The following CAPN15 variants were observed in gnomAD, a reference collection of about 807,000 sequenced individuals.
CAPN15 encodes calpain 15, also known as calpain-15.
Under a neutral mutation model 97.9 loss-of-function variants are expected in CAPN15, and 53 were observed. The ratio of observed to expected loss-of-function variants is 0.54; its 90% confidence interval spans 0.43 to 0.68. The LOEUF (loss-of-function observed/expected upper bound fraction) is 0.68, where lower values mean the gene tolerates loss of function less well. Among genes scored for constraint, CAPN15 ranks in the 30% least tolerant of loss-of-function variants. The pLI, the probability that CAPN15 is intolerant of heterozygous loss-of-function variation, is 0.00. For synonymous variants in CAPN15, 922 were observed against 722.5 expected (o/e 1.28, Z -4.43); for missense variants, 1,592 against 1,589.8 (o/e 1.00, Z -0.02).
intron 1 of CAPN15, among the ~76,000 whole-genome samples, chr16:532,732 A>ACCT (rs2033359997): frequency 6.6e-6 from 1 of 151,896 alleles, no homozygotes. Flanking sequence ...AGGCGCCTGT[A>ACCT]GTCCCAGCTA....
Position 552,643 on chromosome 16 carries a change from G to A in CAPN15, c.2776G>A (p.Glu926Lys). 1.3e-6 allele frequency: 2 copies of A among 1,538,258 alleles called. No homozygotes were observed. The highest frequency in any genetic ancestry group is 1.2e-5 in the South Asian group (1 of 84,118). Residue 926 changes from glutamate (E) to lysine (K), a missense_variant, in exon 12 of 14, where the codon GAG becomes AAG. By Grantham distance (56) the Glu-to-Lys change is moderately conservative. Around this residue, in one of 3 missense-constraint regions of CAPN15, gnomAD observed 644 missense variants for 699.6 expected, o/e 0.92. Coordinates refer to ENST00000219611, the MANE Select transcript of CAPN15 (RefSeq NM_005632.3). The surrounding 1 kb of genome is among the most constrained non-coding windows in gnomAD (Gnocchi z 6.4). Reference protein sequence around the residue: ...PSAGVPRASPEPPGHVLAVYS... With the variant: ...PSAGVPRASPKPPGHVLAVYS... Reference sequence around the variant, plus strand: ...GGCAGGGGTCCCGAGAGCCTCCCCAGAGCCGCCGGGCCACGTGCTGGCTGT... The same window carrying A: ...GGCAGGGGTCCCGAGAGCCTCCCCAAAGCCGCCGGGCCACGTGCTGGCTGT...
chr16:543,565 C>T (rs2034306947), intron 3 of CAPN15, among the ~76,000 whole-genome samples: 1 of 152,184 alleles, frequency 6.6e-6, no homozygotes, highest in Non-Finnish European at 1.5e-5. Context: ...TGGGGCCACT[C>T]CTGCCCGTGC....
At chr16:528,341 C>A (rs991459283) in intron 1 of CAPN15, among the ~76,000 whole-genome samples, 1 of 152,212 alleles carries the variant, frequency 6.6e-6, no homozygotes, top group Admixed American at 6.5e-5. Flanking sequence ...GGGGGCCGCG[C>A]ACACCGGAGG....
intron 1 of CAPN15, among the ~76,000 whole-genome samples, chr16:531,988 C>T (rs1054709701): frequency 2.0e-5 from 3 of 152,118 alleles, no homozygotes; most frequent in African/African-American, 7.2e-5. Flanking sequence ...ACCTGTAATC[C>T]CAGCCCTTTC....
Position 551,871 on chromosome 16 carries a change from G to T in CAPN15, c.2346-180G>T, listed in dbSNP as rs1184448242. 3 of 960,824 alleles carry T rather than the reference G, an allele frequency of 3.1e-6. No homozygotes were observed. In the South Asian group the frequency reaches 4.2e-5, roughly 13 times the overall value. 59.5% of individuals were successfully genotyped at this position (960,824 alleles called of 1,614,324 possible). A position where few individuals can be genotyped will look rare whatever the true frequency, so the allele number is the denominator to read the frequency against. On this transcript the variant is annotated intron_variant, in intron 9 of 13. Coordinates refer to ENST00000219611, the MANE Select transcript of CAPN15 (RefSeq NM_005632.3). ...CAGATTCCAGCGCCCTGAAGAGCCG[G>T]CCCTGGAGGGCTTCCTATTATAGGC...
intron 3 of CAPN15, chr16:539,943 C>G (rs1396227844): frequency 5.0e-6 from 2 of 403,378 alleles, no homozygotes; most frequent in African/African-American, 2.2e-5. Context: ...GAAGTCGGGC[C>G]GCAGGCCCTG....
At chr16:531,282 T>C (rs2141946587) in intron 1 of CAPN15, among the ~76,000 whole-genome samples, 1 of 152,296 alleles carries the variant, frequency 6.6e-6, no homozygotes, top group South Asian at 2.1e-4. Flanking sequence ...CGCTGCAGCC[T>C]CAAACTCCTG....
chr16:554,441 G>A lies in CAPN15; in HGVS notation c.*925G>A. ...AGGGGCTTCCGGGGCCTTTTCACCT[G>A]GAGAAACATTCCCACTCCCCTTTGG... On this transcript the variant is annotated 3_prime_UTR_variant, in exon 14 of 14. Coordinates refer to ENST00000219611, the MANE Select transcript of CAPN15 (RefSeq NM_005632.3). The A allele has an allele frequency of 2.2e-6, 1 of 448,164 alleles. No homozygotes were observed. The highest frequency in any genetic ancestry group is 4.5e-6 in the Non-Finnish European group (1 of 222,484). 27.8% of individuals were successfully genotyped at this position (448,164 alleles called of 1,614,324 possible). A position where few individuals can be genotyped will look rare whatever the true frequency, so the allele number is the denominator to read the frequency against.
rs2034616625 is a variant in CAPN15, at chr16:546,822, C to A, written c.-17C>A. 5.7e-6 allele frequency: 9 copies of A among 1,584,334 alleles called. No individual in the cohort carries two copies. The highest frequency in any genetic ancestry group is 7.7e-6 in the Non-Finnish European group (9 of 1,162,700). ...ATGAGCACCTTCCCTTGCAGCCACA[C>A]CCACTCGCCCGGGTCTATGGCCACG... On this transcript the variant is annotated 5_prime_UTR_variant, in exon 4 of 14. Coordinates refer to ENST00000219611, the MANE Select transcript of CAPN15 (RefSeq NM_005632.3).
intron 1 of CAPN15, among the ~76,000 whole-genome samples, chr16:531,408 C>T (rs566637174): frequency 2.0e-5 from 3 of 152,230 alleles, no homozygotes; most frequent in African/African-American, 4.8e-5. Context: ...GAACCTCTTA[C>T]ACCTTCTGCC....
chr16:547,219 CGAGGAGGAGAAGGAG>C lies in CAPN15; in HGVS notation c.385_399del (p.Glu129_Glu133del). 1 of 1,526,368 alleles carries C rather than the reference CGAGGAGGAGAAGGAG, an allele frequency of 6.6e-7. No homozygotes were observed. The highest frequency in any genetic ancestry group is 1.2e-5 in the South Asian group (1 of 80,430). 94.6% of individuals were successfully genotyped at this position (1,526,368 alleles called of 1,614,324 possible). Reference sequence around the variant, plus strand: ...CCAGGGGGCAGTGCGAGGACAAGGACGAGGAGGAGAAGGAGGAGCAGGAGGAGGAGGAGGGAGCGG... The same window carrying C: ...CCAGGGGGCAGTGCGAGGACAAGGACGAGCAGGAGGAGGAGGAGGGAGCGG... On this transcript the variant is annotated inframe_deletion, in exon 4 of 14. Transcript: ENST00000219611.
Position 551,394 on chromosome 16 carries a change from C to G in CAPN15, c.2159C>G (p.Ser720Cys). 1 of 1,610,548 alleles carries G rather than the reference C, an allele frequency of 6.2e-7. No homozygotes were observed. Among genetic ancestry groups the G allele is most frequent in the Non-Finnish European group, 8.5e-7 (1 of 1,178,706 alleles). Residue 720 changes from serine (S) to cysteine (C), a missense_variant, in exon 8 of 14, where the codon TCC becomes TGC. Ser to Cys is a moderately radical substitution (Grantham distance 112). Coordinates refer to ENST00000219611, the MANE Select transcript of CAPN15 (RefSeq NM_005632.3). ...SLGLRPRHAY[S>C]ILDVRDVQGT... ...GGCCTGCGCCCCCGGCATGCCTACT[C>G]CATCCTGGATGTCCGAGATGTCCAG...
intron 3 of CAPN15, among the ~76,000 whole-genome samples, chr16:542,037 G>T (rs1472099651): frequency 6.6e-6 from 1 of 152,014 alleles, no homozygotes; most frequent in Non-Finnish European, 1.5e-5. Context: ...GGCTGGGTTT[G>T]CCTTGTGCAG....
Position 547,151 on chromosome 16 carries a change from G to T in CAPN15, c.313G>T (p.Ala105Ser). ...GEPKGSCQEE[A>S]GPVRTAGLVA... The stretch of plus-strand genomic sequence containing the variant: ...GCCCAAGGGCAGCTGCCAGGAGGAA[G>T]CAGGTCCAGTGAGGACTGCGGGGCT... Residue 105 changes from alanine to serine, a missense_variant, in exon 4 of 14, where the codon GCA (alanine) becomes TCA (serine). Ala to Ser is a moderately conservative substitution (Grantham distance 99). Coordinates refer to ENST00000219611, the MANE Select transcript of CAPN15 (RefSeq NM_005632.3). 6.4e-7 allele frequency: 1 copy of T among 1,550,538 alleles called. No homozygotes were observed. Among genetic ancestry groups the T allele is most frequent in the Admixed American group, 1.8e-5 (1 of 54,298 alleles).
intron 3 of CAPN15, among the ~76,000 whole-genome samples, chr16:541,203 G>A (rs1056689770): frequency 6.6e-6 from 1 of 152,378 alleles, no homozygotes; most frequent in East Asian, 1.9e-4. Flanking sequence ...GCCATGGCAG[G>A]TGGCCAGGCC....
intron 1 of CAPN15, among the ~76,000 whole-genome samples, chr16:532,648 T>G (rs888584489): frequency 4.0e-5 from 6 of 148,400 alleles, no homozygotes; most frequent in Non-Finnish European, 8.9e-5. Flanking sequence ...GTCAGGAGAT[T>G]GAGACCATCC....
intron 3 of CAPN15, chr16:538,706 C>G (rs539526406): frequency 6.6e-6 from 1 of 152,252 alleles, no homozygotes; most frequent in Non-Finnish European, 1.5e-5. Flanking sequence ...GAAGGGCTGG[C>G]GCGTCTGCTG....
In CAPN15 at chr16:547,045, C is replaced by T. The variant is rs1214967489; in HGVS notation, c.207C>T (p.Phe69=). 1 of 1,607,328 alleles carries T rather than the reference C, an allele frequency of 6.2e-7. No homozygotes were observed. ...AGGAGGCCTGCGAGGTGTGCGGCTT[C>T]ACCCCGGAGCCTGCGCCTGGGGCTG... ...LGKEACEVCG[F]TPEPAPGAAF... is the part of the protein sequence containing the mutation. Residue 69 remains phenylalanine (F), a synonymous_variant, in exon 4 of 14, where the codon TTC becomes TTT. Coordinates refer to ENST00000219611, the MANE Select transcript of CAPN15 (RefSeq NM_005632.3).
In CAPN15 at chr16:554,526, A is replaced by G; in HGVS notation, c.*1010A>G. ...CCTGTAAATACGGCCAGCTCTTGTG[A>G]CACAGAGACTATTTTATCAATTGTC... On this transcript the variant is annotated 3_prime_UTR_variant, in exon 14 of 14. Transcript: ENST00000219611. The G allele has an allele frequency of 2.2e-6, 1 of 456,170 alleles. No homozygotes were observed. The highest frequency in any genetic ancestry group is 4.4e-6 in the Non-Finnish European group (1 of 226,740). 28.3% of individuals were successfully genotyped at this position (456,170 alleles called of 1,614,324 possible). A position where few individuals can be genotyped will look rare whatever the true frequency, so the allele number is the denominator to read the frequency against.
Sources: allele counts gnomAD v4.1 joint callset (sites outside exome capture counted in the v4.1 genomes callset), GRCh38; gene constraint gnomAD v4.1.1; regional missense constraint gnomAD v4.1.1; non-coding constraint Gnocchi (gnomAD v3.1); transcripts MANE v1.5; gene names NCBI Gene and HGNC (gene_info 2026-07-23, HGNC 2026-07-21).